The following KLF12 variants were observed in gnomAD, a reference collection of about 807,000 sequenced individuals.
KLF12 encodes Krueppel-like factor 12.
KLF12 carries 9 observed loss-of-function variants against 37.8 expected under a neutral mutation model. The ratio of observed to expected loss-of-function variants is 0.24; its 90% CI spans 0.14 to 0.42. KLF12 has a LOEUF of 0.42. Among genes scored for constraint, KLF12 ranks in the 10% least tolerant of loss-of-function variants. The pLI is 1.00. For missense variants in KLF12, 411 were observed against 516.0 expected, an observed-to-expected ratio of 0.80 and a Z score of 1.97; for synonymous variants, 208 against 202.1, an observed-to-expected ratio of 1.03 and a Z score of -0.25.
At chr13:74,131,824 T>C (rs1360974857) in intron 1 of KLF12, among the ~76,000 whole-genome samples, 2 of 152,206 alleles carry the variant, frequency 1.3e-5, no homozygotes, top group Non-Finnish European at 2.9e-5. Context: ...ATAATAGTTA[T>C]TAAATTGGCA....
chr13:74,042,740 T>C (rs1338034878), intron 1 of KLF12, among the ~76,000 whole-genome samples: 3 of 152,202 alleles, frequency 2.0e-5, no homozygotes, highest in Non-Finnish European at 2.9e-5. Flanking sequence ...TATTAAATAT[T>C]TGCAATGTGT....
chr13:73,782,815 T>C (rs545293437), intron 5 of KLF12, among the ~76,000 whole-genome samples: 1 of 152,320 alleles, frequency 6.6e-6, no homozygotes, highest in East Asian at 1.9e-4. Context: ...GCTTCAGAAG[T>C]CAAAAGAGTT....
At chr13:74,189,663 T>G in the KLF12 span, among the ~76,000 whole-genome samples, 2 of 152,246 alleles carry the variant, frequency 1.3e-5, no homozygotes, top group Non-Finnish European at 2.9e-5. Context: ...GTTCAACCAG[T>G]GTTGCTAATT....
chr13:73,727,976 C>T (rs1027714648), intron 6 of KLF12, among the ~76,000 whole-genome samples: 1 of 152,180 alleles, frequency 6.6e-6, no homozygotes, highest in Non-Finnish European at 1.5e-5. Flanking sequence ...GGATTACAGG[C>T]GTGTGCCGCC....
At chr13:74,253,823 A>T in the KLF12 span, among the ~76,000 whole-genome samples, 1 of 152,192 alleles carries the variant, frequency 6.6e-6, no homozygotes, top group Non-Finnish European at 1.5e-5. Flanking sequence ...AGCCTATATA[A>T]ATTATGAAAA....
At chr13:74,132,437 A>G (rs919733935) in intron 1 of KLF12, among the ~76,000 whole-genome samples, 19 of 152,202 alleles carry the variant, frequency 1.2e-4, no homozygotes, top group Non-Finnish European at 2.8e-4. Flanking sequence ...TGTTACAGGG[A>G]AACAGAGAAT....
upstream of KLF12, among the ~76,000 whole-genome samples, chr13:74,134,885 G>T (rs1290614111): frequency 6.6e-6 from 1 of 151,982 alleles, no homozygotes; most frequent in East Asian, 1.9e-4. Context: ...GGGGGCTGTC[G>T]CCCGGGTCGT....
intron 3 of KLF12, among the ~76,000 whole-genome samples, chr13:73,919,664 C>G (rs1460067976): frequency 6.6e-6 from 1 of 152,174 alleles, no homozygotes; most frequent in Non-Finnish European, 1.5e-5. Flanking sequence ...ATATCATTAA[C>G]ATTGCACGCC....
intron 5 of KLF12, chr13:73,801,815 T>C (rs1039181598): frequency 2.0e-5 from 3 of 152,114 alleles, no homozygotes; most frequent in African/African-American, 4.8e-5. Flanking sequence ...GAAAAATAAA[T>C]AGCCACTATC....
rs963585081 is a variant in KLF12, at chr13:73,813,094, C to A, written c.806+58G>T. 1.8e-5 allele frequency: 28 copies of A among 1,578,432 alleles called. No homozygotes were observed. The African/African-American group carries it at 3.6e-4, about 21-fold the overall frequency. Reference sequence around the variant, plus strand: ...TGGGGGACAGGAGATGCTGCAGTTTCCATTATCCATTGAACACCTTGGCAA... The same window carrying A: ...TGGGGGACAGGAGATGCTGCAGTTTACATTATCCATTGAACACCTTGGCAA... On this transcript the variant is annotated intron_variant, in intron 5 of 7. Transcript: ENST00000377669.
At chr13:74,103,726 G>A (rs773965033) in intron 1 of KLF12, among the ~76,000 whole-genome samples, 8 of 152,074 alleles carry the variant, frequency 5.3e-5, no homozygotes, top group Admixed American at 4.6e-4. Flanking sequence ...CAACTTCCAG[G>A]TCACTATGAA....
chr13:73,934,993 T>A (rs1013675870), intron 3 of KLF12, among the ~76,000 whole-genome samples: 1 of 116,374 alleles, frequency 8.6e-6, no homozygotes, highest in Non-Finnish European at 1.9e-5. Flanking sequence ...TTATTTATTT[T>A]GAGACAGATG....
In KLF12 at chr13:74,017,258, TAAAAAAAAAAAAAAAAA is replaced by T. The variant is rs56321692; in HGVS notation, c.-31-22222_-31-22206del. On this transcript the variant is annotated intron_variant, in intron 1 of 7. Coordinates refer to ENST00000377669, the MANE Select transcript of KLF12 (RefSeq NM_007249.5). ...AGCGAATAAATAAGTGCCCTCAACC[TAAAAAAAAAAAAAAAAA>T]AAAAAAAAAAAAAAAGTCAACACAT... 6.6e-5 allele frequency among the ~76,000 whole-genome samples: 3 copies of T among 45,590 alleles called. 1 individual carries two copies. Among genetic ancestry groups the T allele is most frequent in the Non-Finnish European group, 3.9e-5 (1 of 25,806 alleles). The allele number at this position is 45,590 out of a possible 152,430, so 29.9% of individuals were successfully genotyped here.
At chr13:73,703,852 G>A (rs973211822) in intron 7 of KLF12, among the ~76,000 whole-genome samples, 4 of 152,102 alleles carry the variant, frequency 2.6e-5, no homozygotes, top group Non-Finnish European at 4.4e-5. Flanking sequence ...AACTGGGCAC[G>A]GAGACTGCAA....
chr13:74,065,880 C>T (rs954802747), intron 1 of KLF12, among the ~76,000 whole-genome samples: 4 of 151,580 alleles, frequency 2.6e-5, no homozygotes, highest in African/African-American at 9.7e-5. Flanking sequence ...ATCATGAGCC[C>T]CTCACAGAGG....
At chr13:73,908,889 A>C (rs141495240) in intron 3 of KLF12, among the ~76,000 whole-genome samples, 2 of 152,080 alleles carry the variant, frequency 1.3e-5, no homozygotes, top group Non-Finnish European at 2.9e-5. Context: ...TTTTATCCCT[A>C]CTCCCTAAAA....
At chr13:73,774,775 A>G (rs939366443) in intron 5 of KLF12, among the ~76,000 whole-genome samples, 2 of 152,126 alleles carry the variant, frequency 1.3e-5, no homozygotes, top group African/African-American at 4.8e-5. Flanking sequence ...GATCTATTAG[A>G]AATTATTTTT....
chr13:73,741,069 T>C (rs1877936025), intron 6 of KLF12, among the ~76,000 whole-genome samples: 1 of 152,250 alleles, frequency 6.6e-6, no homozygotes, highest in Non-Finnish European at 1.5e-5. Flanking sequence ...ATGACTTTCA[T>C]TTCTATAACA....
chr13:74,154,484 G>A, the KLF12 span, among the ~76,000 whole-genome samples: 1 of 152,190 alleles, frequency 6.6e-6, no homozygotes, highest in Non-Finnish European at 1.5e-5. Flanking sequence ...CATGGGTTAA[G>A]TTGTTACATG....
Sources: gnomAD v4.1 joint callset for allele counts (sites outside exome capture counted in the v4.1 genomes callset) on GRCh38, gnomAD v4.1.1 for gene constraint, MANE v1.5 for transcripts, NCBI Gene and HGNC (gene_info 2026-07-23, HGNC 2026-07-21) for gene names.